Variants in ARID2 observed in about 807,000 individuals in gnomAD.
ARID2 encodes AT-rich interaction domain 2.
ARID2 carries 32 observed loss-of-function variants against 184.6 expected under a neutral mutation model. The ratio of observed to expected loss-of-function variants is 0.17; its 90% confidence interval spans 0.13 to 0.23. ARID2 has a LOEUF of 0.23. Among genes scored for constraint, ARID2 ranks in the 10% least tolerant of loss-of-function variants. ARID2 has a pLI of 1.00. For synonymous variants in ARID2, 836 were observed against 772.6 expected, an observed-to-expected ratio of 1.08 and a Z score of -1.36; for missense variants, 1,696 against 2,197.6, an observed-to-expected ratio of 0.77 and a Z score of 4.56.
rs1397370306 is a variant in ARID2, at chr12:45,839,391, G to C, written c.1393G>C (p.Val465Leu). 6.2e-7 allele frequency: 1 copy of C among 1,613,964 alleles called. No individual in the cohort carries two copies. Among genetic ancestry groups the C allele is most frequent in the Non-Finnish European group, 8.5e-7 (1 of 1,179,992 alleles). Residue 465 changes from valine (V) to leucine (L), a missense_variant, in exon 11 of 21, where the codon GTA (valine) becomes CTA (leucine). By Grantham distance (32) the Val-to-Leu change is conservative. Coordinates refer to ENST00000334344, the MANE Select transcript of ARID2 (RefSeq NM_152641.4). Reference protein sequence around the residue: ...QMFGPDALAAVKLIEHPSSSH... With the variant: ...QMFGPDALAALKLIEHPSSSH... ...GTTTGGCCCTGATGCACTAGCTGCG[G>C]TAAAACTCATTGAACACCCAAGTTC...
intron 3 of ARID2, among the ~76,000 whole-genome samples, chr12:45,804,363 TTTAA>T (rs1377406049): frequency 6.6e-6 from 1 of 152,108 alleles, no homozygotes; most frequent in Non-Finnish European, 1.5e-5. Context: ...TACAGATGAG[TTTAA>T]TTGTTATGAA....
At chr12:45,862,475 G>T (rs1051484028) in intron 16 of ARID2, among the ~76,000 whole-genome samples, 1 of 152,070 alleles carries the variant, frequency 6.6e-6, no homozygotes, top group Non-Finnish European at 1.5e-5. Context: ...TTTGTCTTGA[G>T]ATTTTTGTTT....
chr12:45,898,483 A>C (rs1376000510), intron 20 of ARID2, among the ~76,000 whole-genome samples: 2 of 152,230 alleles, frequency 1.3e-5, no homozygotes, highest in Non-Finnish European at 2.9e-5. Flanking sequence ...AAACACAACA[A>C]AGGAAGGATT....
At chr12:45,748,366 GC>G (rs1391927961) in intron 3 of ARID2, among the ~76,000 whole-genome samples, 2 of 152,172 alleles carry the variant, frequency 1.3e-5, no homozygotes, top group Non-Finnish European at 2.9e-5. Flanking sequence ...ACTCCATCTA[GC>G]CTGGACAATA....
chr12:45,814,460 G>A (rs1592093422), intron 4 of ARID2, among the ~76,000 whole-genome samples: 1 of 152,100 alleles, frequency 6.6e-6, no homozygotes, highest in East Asian at 1.9e-4. Context: ...GACCAGCCTG[G>A]CCAACATGGT....
intron 15 of ARID2, 71 bp from the exon 16 acceptor site, chr12:45,860,730 T>C: frequency 7.9e-7 from 1 of 1,259,238 alleles, no homozygotes; most frequent in Non-Finnish European, 1.0e-6. Flanking sequence ...ATCAAATTTA[T>C]AAGACTATAC....
intron 16 of ARID2, among the ~76,000 whole-genome samples, chr12:45,890,092 G>C (rs1944274633): frequency 6.6e-6 from 1 of 152,196 alleles, no homozygotes; most frequent in Non-Finnish European, 1.5e-5. Context: ...TTTATGACTA[G>C]AGTAGTTAGA....
intron 3 of ARID2, among the ~76,000 whole-genome samples, chr12:45,770,003 C>A (rs2138022459): frequency 6.6e-6 from 1 of 152,256 alleles, no homozygotes; most frequent in South Asian, 2.1e-4. Flanking sequence ...ACCTGTAATC[C>A]TACCACTTTG....
At position 45,839,360 on chromosome 12, in the gene ARID2, T is replaced by C. The variant is rs2138136674; in HGVS notation, c.1362T>C (p.Ile454=). The part of the protein sequence containing the change: ...DMLVCLVSMD[I]QMFGPDALAA... ...TAGTGTGTCTGGTTTCTATGGATAT[T>C]CAGATGTTTGGCCCTGATGCACTAG... is the stretch of plus-strand genomic sequence containing the variant. Residue 454 remains isoleucine (I), a synonymous_variant, in exon 11 of 21, where the codon ATT becomes ATC. Transcript: ENST00000334344. 1 of 1,613,302 alleles carries C rather than the reference T, an allele frequency of 6.2e-7. No homozygotes were observed. The highest frequency in any genetic ancestry group is 8.5e-7 in the Non-Finnish European group (1 of 1,179,792).
intron 16 of ARID2, among the ~76,000 whole-genome samples, chr12:45,887,183 CT>C (rs1204854983): frequency 2.6e-5 from 4 of 152,242 alleles, no homozygotes; most frequent in African/African-American, 9.6e-5. Context: ...TGAGCTTTCA[CT>C]GCAATGATTT....
At position 45,906,756 on chromosome 12, in the gene ARID2, T is replaced by A. The variant is rs1401477078; in HGVS notation, c.*1678T>A. The A allele has an allele frequency of 4.3e-6, 1 of 232,046 alleles. No homozygotes were observed. The highest frequency in any genetic ancestry group is 5.6e-5 in the Admixed American group (1 of 17,740). 14.4% of individuals were successfully genotyped at this position (232,046 alleles called of 1,614,324 possible). ...CAAGTATTTATTTTTCATCTTGTTA[T>A]AATGCAGAGCAAATGTAGAGAACAG... On this transcript the variant is annotated 3_prime_UTR_variant, in exon 21 of 21. Coordinates refer to ENST00000334344, the MANE Select transcript of ARID2 (RefSeq NM_152641.4).
intron 3 of ARID2, among the ~76,000 whole-genome samples, chr12:45,744,677 A>G (rs1378494901): frequency 6.6e-6 from 1 of 152,122 alleles, no homozygotes; most frequent in Non-Finnish European, 1.5e-5. Flanking sequence ...TGATTTTTAT[A>G]TTCTCAAGAT....
chr12:45,866,837 C>T (rs1156425487), intron 16 of ARID2, among the ~76,000 whole-genome samples: 1 of 152,150 alleles, frequency 6.6e-6, no homozygotes, highest in Non-Finnish European at 1.5e-5. Flanking sequence ...ATTGACACAT[C>T]ATTATCACCC....
intron 16 of ARID2, among the ~76,000 whole-genome samples, chr12:45,867,053 C>T (rs1233260424): frequency 1.1e-4 from 16 of 152,016 alleles, no homozygotes; most frequent in South Asian, 4.2e-4. Flanking sequence ...CAAGTTCAAA[C>T]GATTCTCTTG....
chr12:45,900,007 G>A (rs1320017409), intron 20 of ARID2, among the ~76,000 whole-genome samples: 1 of 151,714 alleles, frequency 6.6e-6, no homozygotes, highest in African/African-American at 2.4e-5. Flanking sequence ...ATCAGATATT[G>A]TTGGATTGTT....
intron 16 of ARID2, among the ~76,000 whole-genome samples, chr12:45,869,394 G>T (rs1943882207): frequency 6.6e-6 from 1 of 151,936 alleles, no homozygotes; most frequent in Admixed American, 6.6e-5. Context: ...ACTGGAAAAG[G>T]TATCAGCCCA....
rs191005264 is a variant in ARID2 at position 45,869,672 on chromosome 12, C to G, written c.4922+8723C>G. 4.5e-3 allele frequency among the ~76,000 whole-genome samples: 682 copies of G among 151,928 alleles called. 2 individuals are homozygous for G. The highest frequency in any genetic ancestry group is 0.015 in the African/African-American group (640 of 41,470). ...CCGAGGCAGATGGATCACTTGAGGT[C>G]AGGAGTTTGAGAACAGCCTGGCCAA... On this transcript the variant is annotated intron_variant, in intron 16 of 20. Coordinates refer to ENST00000334344, the MANE Select transcript of ARID2 (RefSeq NM_152641.4).
Position 45,730,067 on chromosome 12 carries a change from C to A in ARID2, c.116C>A (p.Ala39Glu), listed in dbSNP as rs139981084. The change falls in exon 2 of 21, where the codon GCG becomes GAG. Residue 39 changes from alanine to glutamate, a missense_variant. This residue lies in a region of ARID2 where 54 missense variants were observed against 59.9 expected (regional missense o/e 0.90). Transcript: ENST00000334344. ...AGGTCGCCTTTTAAAAAAATCCCTGCGGTGGGTGGGAAGGAGCTGGATCTT... is the reference window on the plus strand; with the variant it reads ...AGGTCGCCTTTTAAAAAAATCCCTGAGGTGGGTGGGAAGGAGCTGGATCTT... ...SRGSPFKKIP[A>E]VGGKELDLHG... The A allele has an allele frequency of 1.7e-5, 28 of 1,613,416 alleles. No homozygotes were observed. The highest frequency in any genetic ancestry group is 6.7e-5 in the African/African-American group (5 of 74,836).
intron 3 of ARID2, among the ~76,000 whole-genome samples, chr12:45,785,210 A>G (rs1019380627): frequency 1.6e-4 from 25 of 152,210 alleles, no homozygotes; most frequent in African/African-American, 6.0e-4. Context: ...CCCTAAAGTT[A>G]AACAAGTTTG....
Sources: allele counts gnomAD v4.1 joint callset (sites outside exome capture counted in the v4.1 genomes callset), GRCh38; gene constraint gnomAD v4.1.1; regional missense constraint gnomAD v4.1.1; transcripts MANE v1.5; gene names NCBI Gene and HGNC (gene_info 2026-07-23, HGNC 2026-07-21).